The following KLC1 variants were observed in gnomAD, a reference collection of about 807,000 sequenced individuals.
KLC1 encodes kinesin 2 60/70kDa.
A neutral mutation model predicts 84.2 loss-of-function variants in KLC1; 30 were observed. That is an observed-to-expected ratio of 0.36 (90% CI 0.27 to 0.48). The LOEUF is 0.48. Ranked by LOEUF, KLC1 falls within the 20% of genes least tolerant of loss-of-function variation. The pLI is 0.99. For synonymous variants in KLC1, 289 were observed against 293.3 expected, an observed-to-expected ratio of 0.99 and a Z score of 0.15; for missense variants, 499 against 805.4, an observed-to-expected ratio of 0.62 and a Z score of 4.60.
At chr14:103,642,093 G>A (rs1318294631) in intron 1 of KLC1, among the ~76,000 whole-genome samples, 1 of 152,006 alleles carries the variant, frequency 6.6e-6, no homozygotes, top group Non-Finnish European at 1.5e-5. Flanking sequence ...ACCATGCCCG[G>A]CTAATTTTGT....
chr14:103,685,708 C>T, intron 13 of KLC1: 1 of 1,289,566 alleles, frequency 7.8e-7, no homozygotes, highest in Non-Finnish European at 1.0e-6. Flanking sequence ...TCCCTTCTCT[C>T]TCCAGTGCTG....
chr14:103,644,984 T>C (rs948154152), intron 1 of KLC1, among the ~76,000 whole-genome samples: 1 of 152,010 alleles, frequency 6.6e-6, no homozygotes, highest in African/African-American at 2.4e-5. Flanking sequence ...TCTCTCTTTC[T>C]TTCTTTTTCT....
At position 103,694,496 on chromosome 14, in the gene KLC1, G is replaced by A. The variant is rs1429519447; in HGVS notation, c.1848+2071G>A. On this transcript the variant is annotated intron_variant, in intron 15 of 16. Transcript: ENST00000334553. This position sits in a 1 kb window ranked among gnomAD's most constrained non-coding sequence, Gnocchi z 4.5. ...TAAGCTTTATGGAATGAGGGAGCAC[G>A]GTGGACTCTGACAGGAACCTTTTCA... is the stretch of plus-strand genomic sequence containing the variant. 11 of 985,358 alleles carry A rather than the reference G, an allele frequency of 1.1e-5. No homozygotes were observed. The highest frequency in any genetic ancestry group is 1.7e-5 in the African/African-American group (1 of 57,226). The allele number at this position is 985,358 out of a possible 1,614,324, so 61.0% of individuals were successfully genotyped here. A position where few individuals can be genotyped will look rare whatever the true frequency, so the allele number is the denominator to read the frequency against.
chr14:103,653,853 T>C (rs1376148038), intron 1 of KLC1, among the ~76,000 whole-genome samples: 2 of 152,216 alleles, frequency 1.3e-5, no homozygotes, highest in African/African-American at 4.8e-5. Context: ...GAGGGAACCA[T>C]TGCTCAGTGA....
chr14:103,669,029 C>G (rs964042874), intron 5 of KLC1, among the ~76,000 whole-genome samples: 10 of 152,134 alleles, frequency 6.6e-5, no homozygotes, highest in Non-Finnish European at 1.0e-4. Flanking sequence ...CTGCCCGCCT[C>G]AGCCTCCCAA....
chr14:103,649,757 G>A (rs1422590301), intron 1 of KLC1, among the ~76,000 whole-genome samples: 1 of 150,900 alleles, frequency 6.6e-6, no homozygotes, highest in African/African-American at 2.4e-5. Flanking sequence ...GTGCAGTGGC[G>A]CCATCTCGGC....
At position 103,694,634 on chromosome 14, in the gene KLC1, G is replaced by A. The variant is rs1186285745; in HGVS notation, c.1848+2209G>A. On this transcript the variant is annotated intron_variant, in intron 15 of 16. Coordinates refer to ENST00000334553, the MANE Select transcript of KLC1 (RefSeq NM_001394837.1). The surrounding 1 kb of genome is among the most constrained non-coding windows in gnomAD (Gnocchi z 4.5). ...ATTCCAAAGGCTGACGCTCAGCAGC[G>A]CCACCTCCATGCCAGCCAACTAGGC... 36 of 985,322 alleles carry A rather than the reference G, an allele frequency of 3.7e-5. No homozygotes were observed. The highest frequency in any genetic ancestry group is 4.2e-5 in the Non-Finnish European group (35 of 829,950). The allele number at this position is 985,322 out of a possible 1,614,324, so 61.0% of individuals were successfully genotyped here.
intron 5 of KLC1, among the ~76,000 whole-genome samples, chr14:103,666,446 A>G (rs952148984): frequency 2.0e-5 from 3 of 152,152 alleles, no homozygotes; most frequent in Admixed American, 1.3e-4. Flanking sequence ...CAGCAGGGCT[A>G]GGGTAGTCTG....
intron 11 of KLC1, among the ~76,000 whole-genome samples, chr14:103,676,549 AGC>A (rs1485067760): frequency 6.6e-6 from 1 of 152,170 alleles, no homozygotes; most frequent in Admixed American, 6.5e-5. Flanking sequence ...TACAGGTGTG[AGC>A]CACTGTGTCT....
At chr14:103,663,574 G>A (rs1160066549) in intron 5 of KLC1, among the ~76,000 whole-genome samples, 1 of 152,128 alleles carries the variant, frequency 6.6e-6, no homozygotes, top group Non-Finnish European at 1.5e-5. Context: ...TTGGCCTGGC[G>A]GTGTCTTCCT....
intron 1 of KLC1, among the ~76,000 whole-genome samples, chr14:103,644,175 A>G (rs1024922349): frequency 7.2e-6 from 1 of 139,008 alleles, no homozygotes; most frequent in Admixed American, 7.6e-5. Context: ...TGATTGCACC[A>G]CTGCACATCA....
At chr14:103,656,342 A>G (rs1177756044) in intron 2 of KLC1, among the ~76,000 whole-genome samples, 1 of 152,212 alleles carries the variant, frequency 6.6e-6, no homozygotes, top group East Asian at 1.9e-4. Flanking sequence ...ATTGCTTCAT[A>G]TCTTTGACTA....
chr14:103,672,968 A>G (rs1192397531), intron 7 of KLC1, 46 bp from the exon 8 acceptor site: 1 of 1,555,694 alleles, frequency 6.4e-7, no homozygotes, highest in African/African-American at 1.4e-5. Context: ...AATGGATTGG[A>G]TGGAAGCAGA....
At chr14:103,695,224 G>A in intron 15 of KLC1, 1 of 762,256 alleles carries the variant, frequency 1.3e-6, no homozygotes, top group Non-Finnish European at 1.6e-6. Flanking sequence ...AGCACTTTGG[G>A]AGGCTGAGGC....
At chr14:103,668,879 G>T (rs988178195) in intron 5 of KLC1, among the ~76,000 whole-genome samples, 3 of 151,580 alleles carry the variant, frequency 2.0e-5, no homozygotes, top group Non-Finnish European at 4.4e-5. Context: ...CCAGGTTCAC[G>T]CCATTCTCCT....
intron 1 of KLC1, among the ~76,000 whole-genome samples, chr14:103,639,599 C>T (rs940379595): frequency 7.9e-5 from 12 of 151,976 alleles, no homozygotes; most frequent in African/African-American, 2.9e-4. Context: ...TGTGCCACCA[C>T]ACCCAACTAA....
At position 103,686,059 on chromosome 14, in the gene KLC1, G is replaced by A. The variant is rs141212829; in HGVS notation, c.1651-1022G>A. ...CGTGCTCCGTGGTACTTAGAGCCCT[G>A]GGGGCCCCGCTCGGACTCCGGGTCT... On this transcript the variant is annotated intron_variant, in intron 13 of 16. Coordinates refer to ENST00000334553, the MANE Select transcript of KLC1 (RefSeq NM_001394837.1). 1.1e-3 allele frequency: 1,127 copies of A among 1,020,304 alleles called. 12 individuals carry two copies. The African/African-American group carries it at 0.018, about 16-fold the overall frequency. The allele number at this position is 1,020,304 out of a possible 1,614,324, so 63.2% of individuals were successfully genotyped here. A position where few individuals can be genotyped will look rare whatever the true frequency, so the allele number is the denominator to read the frequency against.
At chr14:103,649,167 A>G (rs2078187912) in intron 1 of KLC1, among the ~76,000 whole-genome samples, 2 of 151,530 alleles carry the variant, frequency 1.3e-5, no homozygotes. Flanking sequence ...TACAGTGACA[A>G]TTGCCTATAC....
At chr14:103,642,013 C>T (rs941211874) in intron 1 of KLC1, among the ~76,000 whole-genome samples, 5 of 152,192 alleles carry the variant, frequency 3.3e-5, no homozygotes, top group African/African-American at 1.2e-4. Flanking sequence ...TCACTGCAAC[C>T]TCTGCCTGCT....
Sources: allele counts gnomAD v4.1 joint callset (sites outside exome capture counted in the v4.1 genomes callset), GRCh38; gene constraint gnomAD v4.1.1; non-coding constraint Gnocchi (gnomAD v3.1); transcripts MANE v1.5; gene names NCBI Gene and HGNC (gene_info 2026-07-23, HGNC 2026-07-21).